KLF12: variants seen among roughly 807,000 people sequenced by gnomAD.
KLF12 encodes KLF transcription factor 12.
Under a neutral mutation model 37.8 loss-of-function variants are expected in KLF12, and 9 were observed. The ratio of observed to expected loss-of-function variants is 0.24; its 90% confidence interval spans 0.14 to 0.42. The LOEUF is 0.42. Among genes scored for constraint, KLF12 ranks in the 10% least tolerant of loss-of-function variants. The pLI is 1.00. For synonymous variants in KLF12, 208 were observed against 202.1 expected (o/e 1.03, Z -0.25); for missense variants, 411 against 516.0 (o/e 0.80, Z 1.97).
At chr13:74,200,039 A>C in the KLF12 span, among the ~76,000 whole-genome samples, 1 of 152,176 alleles carries the variant, frequency 6.6e-6, no homozygotes, top group Non-Finnish European at 1.5e-5. Flanking sequence ...AAATTTAAAG[A>C]GCATTCTTCC....
chr13:73,924,234 T>G (rs1421999971), intron 3 of KLF12, among the ~76,000 whole-genome samples: 1 of 152,198 alleles, frequency 6.6e-6, no homozygotes, highest in Non-Finnish European at 1.5e-5. Flanking sequence ...TAGATTTCAT[T>G]TTATTGTGCT....
chr13:74,268,819 A>G, the KLF12 span, among the ~76,000 whole-genome samples: 22 of 152,322 alleles, frequency 1.4e-4, no homozygotes, highest in South Asian at 2.5e-3. Context: ...AGGCATTGTA[A>G]CAAGTGTTCT....
At chr13:73,744,794 C>T (rs970207633) in intron 6 of KLF12, among the ~76,000 whole-genome samples, 3 of 152,140 alleles carry the variant, frequency 2.0e-5, no homozygotes, top group African/African-American at 7.2e-5. Context: ...GTGACGTATG[C>T]ATGTCTACGC....
chr13:74,119,010 C>G (rs1877468392), intron 1 of KLF12, among the ~76,000 whole-genome samples: 1 of 152,092 alleles, frequency 6.6e-6, no homozygotes, highest in South Asian at 2.1e-4. Flanking sequence ...ATCTACTGTT[C>G]TCTTATATAT....
chr13:74,145,728 C>T, the KLF12 span, among the ~76,000 whole-genome samples: 2 of 152,222 alleles, frequency 1.3e-5, no homozygotes, highest in Non-Finnish European at 2.9e-5. Context: ...TATCTAGAAA[C>T]ATCAAAGTTA....
chr13:73,744,405 C>T (rs112585237), intron 6 of KLF12, among the ~76,000 whole-genome samples: 2,804 of 152,130 alleles, frequency 0.018, 72 homozygotes, highest in African/African-American at 0.06. Flanking sequence ...GATGAAAGGG[C>T]GTTTTGAAAG....
intron 7 of KLF12, among the ~76,000 whole-genome samples, chr13:73,701,530 T>G (rs1238900278): frequency 6.6e-6 from 1 of 152,140 alleles, no homozygotes; most frequent in Non-Finnish European, 1.5e-5. Flanking sequence ...GTTTTGACTT[T>G]ACTTTGATTT....
At chr13:73,778,671 AAG>A (rs1193498145) in intron 5 of KLF12, among the ~76,000 whole-genome samples, 2 of 152,114 alleles carry the variant, frequency 1.3e-5, no homozygotes, top group Admixed American at 6.6e-5. Context: ...GGCCTGTGCT[AAG>A]AGTTTCACTA....
chr13:74,120,343 G>A (rs777456118), intron 1 of KLF12, among the ~76,000 whole-genome samples: 3 of 152,172 alleles, frequency 2.0e-5, no homozygotes, highest in Non-Finnish European at 2.9e-5. Context: ...TTAGCTAGGC[G>A]TGGTGGCAGG....
rs893054840 is a variant in KLF12, at chr13:74,023,339, C to T, written c.-31-28286G>A. On this transcript the variant is annotated intron_variant, in intron 1 of 7. Coordinates refer to ENST00000377669, the MANE Select transcript of KLF12 (RefSeq NM_007249.5). The stretch of plus-strand genomic sequence containing the variant: ...ACTTACAGGGGAGAAACTCAGAGAC[C>T]GTGTTCTTCTCTACTTATTGGCAGG... Among the ~76,000 whole-genome samples the T allele has an allele frequency of 8.5e-5, 13 of 152,156 alleles. 1 individual carries two copies. The highest frequency in any genetic ancestry group is 2.9e-4 in the African/African-American group (12 of 41,426).
At chr13:73,824,619 G>A (rs1004563946) in intron 4 of KLF12, among the ~76,000 whole-genome samples, 3 of 152,014 alleles carry the variant, frequency 2.0e-5, no homozygotes, top group South Asian at 2.1e-4. Context: ...GTTGAAGGAC[G>A]TATTTGTTCA....
chr13:74,188,388 T>C, the KLF12 span, among the ~76,000 whole-genome samples: 1 of 152,170 alleles, frequency 6.6e-6, no homozygotes, highest in Non-Finnish European at 1.5e-5. Context: ...GATGTCATAA[T>C]ACTTTTCTGA....
At chr13:74,270,532 G>A in the KLF12 span, among the ~76,000 whole-genome samples, 2 of 152,204 alleles carry the variant, frequency 1.3e-5, no homozygotes, top group East Asian at 3.8e-4. Context: ...CTGAGGACAC[G>A]GAAGCTTTGT....
the KLF12 span, among the ~76,000 whole-genome samples, chr13:74,172,142 G>GACACACACACACACAC: frequency 0.041 from 5,927 of 145,958 alleles, 196 homozygotes; most frequent in Admixed American, 0.098. Flanking sequence ...TTTTCCTCAC[G>GACACACACACACACAC]ACACACACAC....
chr13:73,785,572 A>G (rs1048408421), intron 5 of KLF12, among the ~76,000 whole-genome samples: 9 of 151,474 alleles, frequency 5.9e-5, no homozygotes, highest in African/African-American at 1.9e-4. Flanking sequence ...CAAACTCAAC[A>G]TATCTAAAAC....
the KLF12 span, among the ~76,000 whole-genome samples, chr13:74,150,282 T>C: frequency 6.6e-6 from 1 of 152,232 alleles, no homozygotes; most frequent in Non-Finnish European, 1.5e-5. Flanking sequence ...CAACTGTCAT[T>C]ATTTACTCAT....
intron 6 of KLF12, among the ~76,000 whole-genome samples, chr13:73,731,563 T>C (rs1877063752): frequency 6.8e-6 from 1 of 146,036 alleles, no homozygotes. Flanking sequence ...AGCATAGTTT[T>C]TGTTTATTCA....
At chr13:74,301,667 A>C in the KLF12 span, among the ~76,000 whole-genome samples, 3 of 152,188 alleles carry the variant, frequency 2.0e-5, no homozygotes, top group Non-Finnish European at 2.9e-5. Context: ...GCAGCTTTTC[A>C]GAGTATGCAG....
intron 1 of KLF12, among the ~76,000 whole-genome samples, chr13:74,012,392 A>G (rs887203760): frequency 1.1e-4 from 17 of 152,298 alleles, no homozygotes; most frequent in Admixed American, 3.3e-4. Context: ...ATATAACCCA[A>G]TATCTATTCC....
Sources: allele counts gnomAD v4.1 joint callset (sites outside exome capture counted in the v4.1 genomes callset), GRCh38; gene constraint gnomAD v4.1.1; transcripts MANE v1.5; gene names NCBI Gene and HGNC (gene_info 2026-07-23, HGNC 2026-07-21).